TXNDC16: variants seen among roughly 807,000 people sequenced by gnomAD.
TXNDC16 encodes thioredoxin domain containing 16, also known as thioredoxin domain-containing protein 16.
TXNDC16 carries 74 observed loss-of-function variants against 85.6 expected under a neutral mutation model. The observed-to-expected ratio is 0.86, with a 90% CI of 0.72 to 1.05. The LOEUF is 1.05. Among genes scored for constraint, TXNDC16 ranks in the 50% least tolerant of loss-of-function variants. TXNDC16 has a pLI of 0.00. For synonymous variants in TXNDC16, 335 were observed against 326.5 expected, an observed-to-expected ratio of 1.03 and a Z score of -0.28; for missense variants, 959 against 947.0, an observed-to-expected ratio of 1.01 and a Z score of -0.17.
At chr14:52,501,085 C>G (rs1027531030) in intron 9 of TXNDC16, among the ~76,000 whole-genome samples, 1 of 152,134 alleles carries the variant, frequency 6.6e-6, no homozygotes, top group Non-Finnish European at 1.5e-5. Context: ...TCTAAAACAA[C>G]TCCATATCTG....
At chr14:52,464,807 G>A (rs1427119191) in intron 16 of TXNDC16, among the ~76,000 whole-genome samples, 1 of 151,996 alleles carries the variant, frequency 6.6e-6, no homozygotes, top group Non-Finnish European at 1.5e-5. Flanking sequence ...CTGCTGCATG[G>A]CACATGTCTG....
intron 6 of TXNDC16, among the ~76,000 whole-genome samples, chr14:52,519,502 G>C (rs1298886067): frequency 6.6e-6 from 1 of 152,320 alleles, no homozygotes; most frequent in Non-Finnish European, 1.5e-5. Context: ...GGACAGTTGT[G>C]AGACAATGTT....
At chr14:52,442,139 A>T (rs1423489895) in intron 18 of TXNDC16, among the ~76,000 whole-genome samples, 1 of 152,260 alleles carries the variant, frequency 6.6e-6, no homozygotes, top group Non-Finnish European at 1.5e-5. Flanking sequence ...CGCTGTCAGT[A>T]ACAAGAATTG....
chr14:52,469,907 TA>T (rs1366473515), intron 16 of TXNDC16, 129 bp downstream of exon 16: 17 of 881,044 alleles, frequency 1.9e-5, no homozygotes, highest in Non-Finnish European at 2.8e-5. Context: ...TAGCTTACGA[TA>T]TTTTATTTTT....
chr14:52,505,782 G>T (rs1292545305), intron 9 of TXNDC16, among the ~76,000 whole-genome samples: 2 of 152,118 alleles, frequency 1.3e-5, no homozygotes, highest in Non-Finnish European at 2.9e-5. Context: ...ATGAATCCAG[G>T]AGCTGGTTTT....
At chr14:52,503,357 T>C (rs1250862674) in intron 9 of TXNDC16, among the ~76,000 whole-genome samples, 2 of 152,190 alleles carry the variant, frequency 1.3e-5, no homozygotes, top group Non-Finnish European at 2.9e-5. Context: ...CATGGCCAGG[T>C]ACTCCTCTGA....
Position 52,439,401 on chromosome 14 carries a change from A to G in TXNDC16, c.2004-7T>C, listed in dbSNP as rs1313189123. 6.2e-7 allele frequency: 1 copy of G among 1,609,292 alleles called. No homozygotes were observed. Among genetic ancestry groups the G allele is most frequent in the Non-Finnish European group, 8.5e-7 (1 of 1,177,512 alleles). On this transcript the variant is annotated splice_polypyrimidine_tract_variant and splice_region_variant and intron_variant, in intron 19 of 20. Coordinates refer to ENST00000281741, the MANE Select transcript of TXNDC16 (RefSeq NM_020784.3). ...CCCCACTGGAGTATTCTTTCTGCAA[A>G]AGGGAACAATTGAACATATTAATAT... is the stretch of plus-strand genomic sequence containing the variant.
At chr14:52,509,987 T>TAAA (rs35562977) in intron 9 of TXNDC16, among the ~76,000 whole-genome samples, 2 of 106,894 alleles carry the variant, frequency 1.9e-5, no homozygotes, top group Non-Finnish European at 4.1e-5. Flanking sequence ...TCTCAAGAAA[T>TAAA]AAAAAAAAAA....
chr14:52,510,236 A>T (rs2036924362), intron 9 of TXNDC16, among the ~76,000 whole-genome samples: 1 of 152,218 alleles, frequency 6.6e-6, no homozygotes, highest in African/African-American at 2.4e-5. Context: ...CACAGGTAGG[A>T]ATAAGTCAAT....
intron 14 of TXNDC16, among the ~76,000 whole-genome samples, chr14:52,474,467 G>A (rs2035975939): frequency 6.6e-6 from 1 of 152,226 alleles, no homozygotes; most frequent in African/African-American, 2.4e-5. Flanking sequence ...TAGAGGCTGG[G>A]CGCAGTGGCT....
At chr14:52,545,502 T>TTATGTCTACATAATGAAGTAGAA (rs2140232928) in intron 1 of TXNDC16, among the ~76,000 whole-genome samples, 1 of 152,352 alleles carries the variant, frequency 6.6e-6, no homozygotes, top group East Asian at 1.9e-4. Context: ...AGAAGTAGAA[T>TTATGTCTACATAATGAAGTAGAA]TTATGTCTTC....
At chr14:52,531,946 T>G (rs964927340) in intron 6 of TXNDC16, among the ~76,000 whole-genome samples, 1 of 152,126 alleles carries the variant, frequency 6.6e-6, no homozygotes, top group Non-Finnish European at 1.5e-5. Context: ...TTCTGTAAAT[T>G]TTTCAAGTTT....
chr14:52,474,478 C>G (rs2035976451), intron 14 of TXNDC16, among the ~76,000 whole-genome samples: 1 of 152,206 alleles, frequency 6.6e-6, no homozygotes, highest in South Asian at 2.1e-4. Context: ...CGCAGTGGCT[C>G]ATGCCTATAT....
At chr14:52,550,103 A>C (rs2038015611) in intron 1 of TXNDC16, among the ~76,000 whole-genome samples, 1 of 152,184 alleles carries the variant, frequency 6.6e-6, no homozygotes, top group Non-Finnish European at 1.5e-5. Context: ...TTATAGGCCT[A>C]ATATTCCCTT....
At position 52,432,035 on chromosome 14, in the gene TXNDC16, G is replaced by T; in HGVS notation, c.*269C>A. ...CATTTAGAAGACTTGGTACAAAAAA[G>T]GATGTAAAATATCTCATTAATAATT... On this transcript the variant is annotated 3_prime_UTR_variant, in exon 21 of 21. Transcript: ENST00000281741. 1 of 290,472 alleles carries T rather than the reference G, an allele frequency of 3.4e-6. No homozygotes were observed. The allele number at this position is 290,472 out of a possible 1,614,324, so 18.0% of individuals were successfully genotyped here.
At chr14:52,542,259 T>C (rs556679584) in intron 4 of TXNDC16, 112 bp downstream of exon 4, 8 of 709,424 alleles carry the variant, frequency 1.1e-5, no homozygotes, top group East Asian at 2.8e-5. Context: ...AAAAATATAT[T>C]TCCAGTTTGG....
chr14:52,506,424 A>G (rs140058950), intron 9 of TXNDC16, among the ~76,000 whole-genome samples: 14,555 of 151,860 alleles, frequency 0.096, 809 homozygotes, highest in East Asian at 0.18. Context: ...CTCAACATAC[A>G]TAAATCAATA....
In TXNDC16 at chr14:52,543,563, G is replaced by T. The variant is rs773726894; in HGVS notation, c.-6C>A. On this transcript the variant is annotated 5_prime_UTR_variant, in exon 3 of 21. In the 5' UTR this introduces an upstream ATG that the reference lacks. Coordinates refer to ENST00000281741, the MANE Select transcript of TXNDC16 (RefSeq NM_020784.3). ...ACATTGAAGCCGGAAAACATTATCA[G>T]CTGCAGTTGTATCTGAGCGGATTTT... The T allele has an allele frequency of 6.2e-7, 1 of 1,612,668 alleles. No homozygotes were observed. The highest frequency in any genetic ancestry group is 8.5e-7 in the Non-Finnish European group (1 of 1,179,300).
chr14:52,431,713 A>G lies in TXNDC16; in HGVS notation c.*591T>C, dbSNP rs1453394895. ...AATAACTGCCCTAGTCATGACATCAAAAATGTCTCCCGACAATTGCTAAAT... is the reference window on the plus strand; with the variant it reads ...AATAACTGCCCTAGTCATGACATCAGAAATGTCTCCCGACAATTGCTAAAT... On this transcript the variant is annotated 3_prime_UTR_variant, in exon 21 of 21. Coordinates refer to ENST00000281741, the MANE Select transcript of TXNDC16 (RefSeq NM_020784.3). 6.6e-6 allele frequency: 1 copy of G among 152,296 alleles called. No individual in the cohort carries two copies. The highest frequency in any genetic ancestry group is 6.5e-5 in the Admixed American group (1 of 15,286). 9.4% of individuals were successfully genotyped at this position (152,296 alleles called of 1,614,324 possible). A position where few individuals can be genotyped will look rare whatever the true frequency, so the allele number is the denominator to read the frequency against.
Sources: gnomAD v4.1 joint callset for allele counts (sites outside exome capture counted in the v4.1 genomes callset) on GRCh38, gnomAD v4.1.1 for gene constraint, MANE v1.5 for transcripts, NCBI Gene and HGNC (gene_info 2026-07-23, HGNC 2026-07-21) for gene names.